The following SATB2 variants were observed in gnomAD, a reference collection of about 807,000 sequenced individuals.
The protein encoded by SATB2 is DNA-binding protein SATB2.
A neutral mutation model predicts 73.4 loss-of-function variants in SATB2; 1 was observed. The ratio of observed to expected loss-of-function variants is 0.01; its 90% confidence interval spans 0.00 to 0.06. The LOEUF (loss-of-function observed/expected upper bound fraction) is 0.06, where lower values mean the gene tolerates loss of function less well. Ranked by LOEUF, SATB2 falls within the 10% of genes least tolerant of loss-of-function variation. The pLI, the probability that SATB2 is intolerant of heterozygous loss-of-function variation, is 1.00. For missense variants in SATB2, 459 were observed against 945.8 expected, an observed-to-expected ratio of 0.49 and a Z score of 6.75; for synonymous variants, 397 against 367.0, an observed-to-expected ratio of 1.08 and a Z score of -0.93.
intron 7 of SATB2, among the ~76,000 whole-genome samples, chr2:199,346,428 G>A (rs1688653384): frequency 6.6e-6 from 1 of 152,112 alleles, no homozygotes; most frequent in Non-Finnish European, 1.5e-5. Context: ...GATTATAGGC[G>A]TGAGCCACCG....
upstream of SATB2, among the ~76,000 whole-genome samples, chr2:199,467,871 T>C (rs932200767): frequency 9.9e-5 from 15 of 152,108 alleles, no homozygotes; most frequent in South Asian, 1.0e-3. Context: ...CCACTGCTCC[T>C]CTCGGTCTCA....
intron 10 of SATB2, among the ~76,000 whole-genome samples, chr2:199,281,583 A>G (rs1445883099): frequency 6.6e-6 from 1 of 152,154 alleles, no homozygotes; most frequent in Non-Finnish European, 1.5e-5. Flanking sequence ...GATTGAATAC[A>G]TGCTATTATT....
At chr2:199,415,704 C>CCATCA (rs1162766885) in intron 3 of SATB2, among the ~76,000 whole-genome samples, 1 of 152,128 alleles carries the variant, frequency 6.6e-6, no homozygotes, top group Admixed American at 6.5e-5. Context: ...GACCCGTGGC[C>CCATCA]CATCACCTCT....
chr2:199,325,809 A>T (rs1369919338), intron 8 of SATB2, among the ~76,000 whole-genome samples: 15 of 152,200 alleles, frequency 9.9e-5, no homozygotes, highest in Admixed American at 9.8e-4. Context: ...TAAAATGGTG[A>T]CAACTGAATT....
intron 9 of SATB2, among the ~76,000 whole-genome samples, chr2:199,311,061 A>G (rs935292753): frequency 5.3e-5 from 8 of 152,196 alleles, no homozygotes; most frequent in South Asian, 2.1e-4. Context: ...CAATTTGCCC[A>G]CTGACATGCA....
At chr2:199,296,648 A>C (rs1225737778) in intron 10 of SATB2, among the ~76,000 whole-genome samples, 1 of 152,166 alleles carries the variant, frequency 6.6e-6, no homozygotes, top group Non-Finnish European at 1.5e-5. Context: ...GCTATGAGCC[A>C]TGATTGTGCC....
Position 199,463,267 on chromosome 2 carries a change from T to A in SATB2, c.-141+1569A>T, listed in dbSNP as rs1225263327. On this transcript the variant is annotated intron_variant, in intron 1 of 11. Transcript: ENST00000260926. This position sits in a 1 kb window ranked among gnomAD's most constrained non-coding sequence, Gnocchi z 6.4. Reference sequence around the variant, plus strand: ...TGACTGCCCTGCTAATCTAGTTTACTTGTAGAAATCGACTGTAAACCGGGA... The same window carrying A: ...TGACTGCCCTGCTAATCTAGTTTACATGTAGAAATCGACTGTAAACCGGGA... 1.3e-5 allele frequency among the ~76,000 whole-genome samples: 2 copies of A among 152,162 alleles called. No individual in the cohort carries two copies. The highest frequency in any genetic ancestry group is 4.8e-5 in the African/African-American group (2 of 41,450).
chr2:199,389,424 T>TA (rs1690060139), intron 3 of SATB2, among the ~76,000 whole-genome samples: 1 of 151,442 alleles, frequency 6.6e-6, no homozygotes, highest in East Asian at 1.9e-4. Flanking sequence ...CTTTATAACT[T>TA]ACACAAATTA....
At chr2:199,381,424 C>T (rs919650935) in intron 4 of SATB2, among the ~76,000 whole-genome samples, 2 of 152,126 alleles carry the variant, frequency 1.3e-5, no homozygotes, top group African/African-American at 4.8e-5. Context: ...CTCCTAAGGG[C>T]TATAGATTTT....
chr2:199,406,025 A>G (rs1211489347), intron 3 of SATB2, among the ~76,000 whole-genome samples: 2 of 152,214 alleles, frequency 1.3e-5, no homozygotes, highest in Admixed American at 1.3e-4. Flanking sequence ...AATACAGTAT[A>G]ACACTTACAT....
At chr2:199,323,656 C>A in intron 9 of SATB2, 147 bp downstream of exon 9, 1 of 947,582 alleles carries the variant, frequency 1.1e-6, no homozygotes, top group South Asian at 1.5e-5. Flanking sequence ...GGAATAAAAG[C>A]AAACTAGAGT....
At chr2:199,332,177 A>C (rs532768622) in intron 7 of SATB2, among the ~76,000 whole-genome samples, 1 of 152,288 alleles carries the variant, frequency 6.6e-6, no homozygotes, top group East Asian at 1.9e-4. Flanking sequence ...AGTATTGAGT[A>C]AAGTGATCAT....
intron 10 of SATB2, among the ~76,000 whole-genome samples, chr2:199,274,836 G>T (rs550004287): frequency 5.9e-5 from 9 of 151,870 alleles, no homozygotes; most frequent in Non-Finnish European, 1.0e-4. Context: ...CTCCAGGGAT[G>T]GGGGGTGGGG....
At chr2:199,349,215 G>T in intron 6 of SATB2, 42 bp from the exon 7 acceptor site, 3 of 1,428,314 alleles carry the variant, frequency 2.1e-6, no homozygotes, top group Non-Finnish European at 2.9e-6. Context: ...TATTTTCATT[G>T]GTACAATTTA....
At chr2:199,286,603 C>G (rs1009184191) in intron 10 of SATB2, among the ~76,000 whole-genome samples, 2 of 152,180 alleles carry the variant, frequency 1.3e-5, no homozygotes, top group Admixed American at 6.5e-5. Context: ...CCACCCACCA[C>G]ACGCTCACTT....
intron 10 of SATB2, among the ~76,000 whole-genome samples, chr2:199,281,137 G>C (rs1692476253): frequency 1.3e-5 from 2 of 151,940 alleles, no homozygotes; most frequent in East Asian, 3.9e-4. Context: ...GGGAGGCTGA[G>C]ACAGGAGAAT....
At chr2:199,419,782 A>G (rs1160925623) in intron 3 of SATB2, among the ~76,000 whole-genome samples, 3 of 152,230 alleles carry the variant, frequency 2.0e-5, no homozygotes, top group Non-Finnish European at 2.9e-5. Flanking sequence ...GCAATTATAT[A>G]TGAAATTAAA....
intron 10 of SATB2, among the ~76,000 whole-genome samples, chr2:199,294,815 C>T (rs1692978209): frequency 6.6e-6 from 1 of 152,168 alleles, no homozygotes; most frequent in South Asian, 2.1e-4. Flanking sequence ...ATAACAGAAA[C>T]AGGAATACCT....
intron 6 of SATB2, among the ~76,000 whole-genome samples, chr2:199,364,935 T>C (rs894430061): frequency 2.6e-5 from 4 of 152,256 alleles, no homozygotes; most frequent in African/African-American, 9.6e-5. Context: ...TGCTACTACA[T>C]ATATGATTGC....
Sources: gnomAD v4.1 joint callset for allele counts (sites outside exome capture counted in the v4.1 genomes callset) on GRCh38, gnomAD v4.1.1 for gene constraint, Gnocchi (gnomAD v3.1) non-coding constraint, MANE v1.5 for transcripts, NCBI Gene and HGNC (gene_info 2026-07-23, HGNC 2026-07-21) for gene names.